Variants in DHCR24 observed in about 807,000 individuals in gnomAD.
The protein encoded by DHCR24 is delta(24)-sterol reductase.
DHCR24 carries 28 observed loss-of-function variants against 61.2 expected under a neutral mutation model. That is an observed-to-expected ratio of 0.46 (90% CI 0.34 to 0.63). The LOEUF is 0.63. DHCR24 is among the 20% of genes least tolerant of loss of function. DHCR24 has a pLI of 0.01. For missense variants in DHCR24, 538 were observed against 679.1 expected, an observed-to-expected ratio of 0.79 and a Z score of 2.31; for synonymous variants, 261 against 275.9, an observed-to-expected ratio of 0.95 and a Z score of 0.54.
rs539227583 is a variant in DHCR24, at chr1:54,879,681, T to C, written c.388-3634A>G. ...TATGCCAAATTCCAAACAAGAATTA[T>C]GAATAAAACTATACCAAAGCACATC... is the stretch of plus-strand genomic sequence containing the variant. On this transcript the variant is annotated intron_variant, in intron 2 of 8. Transcript: ENST00000371269. 5.9e-4 allele frequency among the ~76,000 whole-genome samples: 90 copies of C among 152,230 alleles called. 3 individuals are homozygous for C. The South Asian group carries it at 0.018, about 30-fold the overall frequency.
intron 6 of DHCR24, among the ~76,000 whole-genome samples, chr1:54,856,157 G>A (rs1229756640): frequency 6.6e-6 from 1 of 152,128 alleles, no homozygotes; most frequent in East Asian, 1.9e-4. Context: ...GTGCTGCAGG[G>A]GTCCACAAAT....
chr1:54,854,509 A>T (rs1646896211), intron 6 of DHCR24, among the ~76,000 whole-genome samples: 1 of 152,174 alleles, frequency 6.6e-6, no homozygotes, highest in African/African-American at 2.4e-5. Flanking sequence ...GGGCCTTGTG[A>T]GGATAATGAG....
Position 54,865,366 on chromosome 1 carries a change from C to T in DHCR24, c.957G>A (p.Leu319=). 1 of 1,614,194 alleles carries T rather than the reference C, an allele frequency of 6.2e-7. No individual in the cohort carries two copies. The highest frequency in any genetic ancestry group is 8.5e-7 in the Non-Finnish European group (1 of 1,180,040). The stretch of plus-strand genomic sequence containing the variant: ...AGTAGTGTCTCAAGGGAATGTACTC[C>T]AGGCCCTCTCGGTTTGTCTTCAGAT... ...ENYLKTNREG[L]EYIPLRHYYH... Residue 319 remains leucine (L), a synonymous_variant, in exon 6 of 9, where the codon CTG becomes CTA. Transcript: ENST00000371269.
In DHCR24 at chr1:54,871,789, C is replaced by T. The variant is rs116867377; in HGVS notation, c.613-176G>A. On this transcript the variant is annotated intron_variant, in intron 4 of 8. Transcript: ENST00000371269. Reference sequence around the variant, plus strand: ...GGCTTTAGTTTCCTCCCTGCAGCTTCGACATGACATGGAACCTAATACTGC... The same window carrying T: ...GGCTTTAGTTTCCTCCCTGCAGCTTTGACATGACATGGAACCTAATACTGC... Among the ~76,000 whole-genome samples, 59 of 152,278 alleles carry T rather than the reference C, an allele frequency of 3.9e-4. No individual in the cohort carries two copies. The East Asian group carries it at 9.7e-3, about 25-fold the overall frequency.
intron 8 of DHCR24, among the ~76,000 whole-genome samples, chr1:54,853,172 G>A (rs1488230904): frequency 7.6e-6 from 1 of 131,332 alleles, no homozygotes; most frequent in African/African-American, 3.0e-5. Context: ...CAGGTTTCTG[G>A]CTGGGGCTGC....
In DHCR24 at chr1:54,852,316, A is replaced by G; in HGVS notation, c.1468T>C (p.Tyr490His). 1.9e-6 allele frequency: 3 copies of G among 1,614,218 alleles called. No homozygotes were observed. Among genetic ancestry groups the G allele is most frequent in the Non-Finnish European group, 2.5e-6 (3 of 1,180,038 alleles). ...CCCAGCTTCTCTCGCAGCTTGTGGT[A>G]CAAGGAGCCATCAAACATCTCCCAG... The part of the protein sequence containing the change: ...EFWEMFDGSL[Y>H]HKLREKLGCQ... Residue 490 changes from tyrosine to histidine, a missense_variant, in exon 9 of 9, where the codon TAC (tyrosine) becomes CAC (histidine). Coordinates refer to ENST00000371269, the MANE Select transcript of DHCR24 (RefSeq NM_014762.4).
intron 8 of DHCR24, among the ~76,000 whole-genome samples, chr1:54,852,901 G>A (rs1011035727): frequency 2.0e-5 from 3 of 152,142 alleles, no homozygotes; most frequent in Non-Finnish European, 2.9e-5. Context: ...TGCGCTATCA[G>A]TATGGATTCA....
intron 4 of DHCR24, among the ~76,000 whole-genome samples, chr1:54,871,887 C>G (rs1647002100): frequency 2.0e-5 from 3 of 152,268 alleles, no homozygotes; most frequent in Middle Eastern, 3.4e-3. Context: ...GACCCAGAGG[C>G]TATTCAGGAA....
intron 4 of DHCR24, among the ~76,000 whole-genome samples, chr1:54,872,850 T>A (rs146639354): frequency 6.6e-6 from 1 of 152,298 alleles, no homozygotes; most frequent in African/African-American, 2.4e-5. Context: ...GCTAGGGGTA[T>A]CTCTCATCCA....
chr1:54,871,217 T>A, intron 5 of DHCR24, 133 bp downstream of exon 5: 2 of 978,912 alleles, frequency 2.0e-6, no homozygotes, highest in Non-Finnish European at 3.1e-6. Flanking sequence ...CTGTTGCCTG[T>A]ACCCCAGGTG....
rs638944 is a variant in DHCR24, at chr1:54,876,242, T to G, written c.388-195A>C. Among the ~76,000 whole-genome samples the G allele has an allele frequency of 0.51, 77,625 of 151,966 alleles. 21,052 individuals are homozygous for G. Among genetic ancestry groups the G allele is most frequent in the South Asian group, 0.7 (3,362 of 4,816 alleles). On this transcript the variant is annotated intron_variant, in intron 2 of 8. Transcript: ENST00000371269. ...TGATTTCTGGCTCTCGGTTAGCTAG[T>G]GTTCAACCTCGCCCTTCAAGTATCT... is the stretch of plus-strand genomic sequence containing the variant.
chr1:54,853,330 T>C, intron 8 of DHCR24, 104 bp downstream of exon 8: 2 of 1,458,310 alleles, frequency 1.4e-6, no homozygotes, highest in Non-Finnish European at 1.9e-6. Context: ...AACCAGTTGA[T>C]AGGCTTGGGG....
At chr1:54,876,601 C>A (rs1647035079) in intron 2 of DHCR24, among the ~76,000 whole-genome samples, 1 of 151,824 alleles carries the variant, frequency 6.6e-6, no homozygotes, top group Non-Finnish European at 1.5e-5. Flanking sequence ...TTGCAGTGAG[C>A]CGAGATCGTG....
At position 54,883,825 on chromosome 1, in the gene DHCR24, A is replaced by G. The variant is rs1647077454; in HGVS notation, c.232-52T>C. ...TGGCCCCACTGGGAATCCCCAGAGC[A>G]GCCTGCAGCCCTGCTTTCTTCAAGG... is the stretch of plus-strand genomic sequence containing the variant. On this transcript the variant is annotated intron_variant, in intron 1 of 8. Transcript: ENST00000371269. The surrounding 1 kb of genome is among the most constrained non-coding windows in gnomAD (Gnocchi z 4.3). 1.9e-6 allele frequency: 3 copies of G among 1,611,170 alleles called. No homozygotes were observed. The highest frequency in any genetic ancestry group is 1.3e-5 in the African/African-American group (1 of 74,902).
At chr1:54,858,083 C>A (rs541687374) in intron 6 of DHCR24, among the ~76,000 whole-genome samples, 1 of 152,232 alleles carries the variant, frequency 6.6e-6, no homozygotes, top group African/African-American at 2.4e-5. Flanking sequence ...ATTGTTTATT[C>A]CTCCCCTCTA....
intron 6 of DHCR24, among the ~76,000 whole-genome samples, chr1:54,861,674 ACT>A (rs1646939212): frequency 6.6e-6 from 1 of 151,118 alleles, no homozygotes; most frequent in African/African-American, 2.4e-5. Flanking sequence ...GTTAAATATA[ACT>A]CTCTGCCTAC....
chr1:54,853,665 G>A, intron 7 of DHCR24, 53 bp from the exon 8 acceptor site: 1 of 1,563,254 alleles, frequency 6.4e-7, no homozygotes, highest in Non-Finnish European at 8.7e-7. Flanking sequence ...CAGGTGACAG[G>A]CTCATGGCTG....
intron 6 of DHCR24, among the ~76,000 whole-genome samples, chr1:54,859,489 T>C (rs891321558): frequency 1.3e-5 from 2 of 152,200 alleles, no homozygotes; most frequent in African/African-American, 4.8e-5. Flanking sequence ...TTTTTTCTTA[T>C]TTTTGAGACA....
At chr1:54,878,084 G>C (rs557864053) in intron 2 of DHCR24, among the ~76,000 whole-genome samples, 12 of 151,946 alleles carry the variant, frequency 7.9e-5, no homozygotes, top group African/African-American at 2.9e-4. Flanking sequence ...GGAGAGGAGA[G>C]AGTTGCACAG....
Sources: gnomAD v4.1 joint callset for allele counts (sites outside exome capture counted in the v4.1 genomes callset) on GRCh38, gnomAD v4.1.1 for gene constraint, Gnocchi (gnomAD v3.1) non-coding constraint, MANE v1.5 for transcripts, NCBI Gene and HGNC (gene_info 2026-07-23, HGNC 2026-07-21) for gene names.